The following DNAH2 variants were observed in gnomAD, a reference collection of about 807,000 sequenced individuals.
DNAH2 encodes dynein axonemal heavy chain 2.
Under a neutral mutation model 523.5 loss-of-function variants are expected in DNAH2, and 323 were observed. That is an observed-to-expected ratio of 0.62 (90% CI 0.56 to 0.68). The LOEUF is 0.68. Among genes scored for constraint, DNAH2 ranks in the 30% least tolerant of loss-of-function variants. DNAH2 has a pLI of 0.00. For missense variants in DNAH2, 4,907 were observed against 5,701.5 expected, an observed-to-expected ratio of 0.86 and a Z score of 4.49; for synonymous variants, 2,093 against 2,177.4, an observed-to-expected ratio of 0.96 and a Z score of 1.08.
Position 7,818,091 on chromosome 17 carries a change from G to T in DNAH2, c.10382G>T (p.Arg3461Leu), listed in dbSNP as rs375708908. ...LNPMLNKSVA[R>L]IGGRLLMRIG... The stretch of plus-strand genomic sequence containing the variant: ...CCCATGCTCAACAAATCTGTAGCCC[G>T]AATCGGTCAGGACAAGTCCCCAAGA... Residue 3461 changes from arginine to leucine, a missense_variant, in exon 68 of 86, where the codon CGA becomes CTA. Arg to Leu is a moderately radical substitution (Grantham distance 102). Around this residue, in one of 3 missense-constraint regions of DNAH2, gnomAD observed 1,851 missense variants for 2,139.4 expected, o/e 0.87. Coordinates refer to ENST00000572933, the MANE Select transcript of DNAH2 (RefSeq NM_020877.5). 6.2e-7 allele frequency: 1 copy of T among 1,610,772 alleles called. No individual in the cohort carries two copies. Among genetic ancestry groups the T allele is most frequent in the Non-Finnish European group, 8.5e-7 (1 of 1,180,008 alleles).
intron 24 of DNAH2, among the ~76,000 whole-genome samples, chr17:7,769,311 G>A (rs2076254076): frequency 6.6e-6 from 1 of 152,116 alleles, no homozygotes; most frequent in South Asian, 2.1e-4. Context: ...ACAGGCACCT[G>A]CCACCATGCT....
intron 53 of DNAH2, 61 bp downstream of exon 53, chr17:7,797,890 A>T: frequency 6.5e-7 from 1 of 1,534,468 alleles, no homozygotes; most frequent in Non-Finnish European, 8.7e-7. Context: ...ATGTCTAAGG[A>T]AATAGGGGTC....
At chr17:7,830,995 A>G in intron 79 of DNAH2, 91 bp from the exon 80 acceptor site, 1 of 1,506,840 alleles carries the variant, frequency 6.6e-7, no homozygotes. Flanking sequence ...AGGGAGCTGG[A>G]CAAATTGGAC....
chr17:7,771,432 A>G lies in DNAH2; in HGVS notation c.4465A>G (p.Lys1489Glu). ...NWKAIMDRMNKDNNALRSTHH... is the reference protein window; with the variant it reads ...NWKAIMDRMNEDNNALRSTHH... ...GAAAGCCATCATGGACAGGATGAAC[A>G]AGGACAACAATGCTCTCCGGAGCAC... The change falls in exon 28 of 86, where the codon AAG becomes GAG. Residue 1489 changes from lysine (K) to glutamate (E), a missense_variant. Transcript: ENST00000572933. 3 of 1,614,016 alleles carry G rather than the reference A, an allele frequency of 1.9e-6. No homozygotes were observed. Among genetic ancestry groups the G allele is most frequent in the Non-Finnish European group, 2.5e-6 (3 of 1,179,916 alleles).
intron 2 of DNAH2, 83 bp downstream of exon 2, chr17:7,719,983 G>T: frequency 7.1e-7 from 1 of 1,411,940 alleles, no homozygotes. Context: ...TAGGGCTGGG[G>T]AGCAGGCGCT....
rs1221616837 is a variant in DNAH2, at chr17:7,760,827, C to T, written c.2873C>T (p.Thr958Ile). Residue 958 changes from threonine (T) to isoleucine (I), a missense_variant, in exon 18 of 86, where the codon ACC (threonine) becomes ATC (isoleucine). Around this residue, in one of 3 missense-constraint regions of DNAH2, gnomAD observed 2,806 missense variants for 3,190.8 expected, o/e 0.88. Transcript: ENST00000572933. This position sits in a 1 kb window ranked among gnomAD's most constrained non-coding sequence, Gnocchi z 4.0. Reference sequence around the variant, plus strand: ...AGCCTGCTGCAGAACTACCTCAAGACCTGGGACATGTACCGGGAGATCTGG... The same window carrying T: ...AGCCTGCTGCAGAACTACCTCAAGATCTGGGACATGTACCGGGAGATCTGG... ...NASLLQNYLK[T>I]WDMYREIWEI... The T allele has an allele frequency of 4.3e-6, 7 of 1,614,084 alleles. No individual in the cohort carries two copies. The highest frequency in any genetic ancestry group is 5.1e-6 in the Non-Finnish European group (6 of 1,180,054).
At position 7,739,872 on chromosome 17, in the gene DNAH2, C is replaced by A. The variant is rs201088267; in HGVS notation, c.1310C>A (p.Thr437Lys). 6.2e-7 allele frequency: 1 copy of A among 1,613,992 alleles called. No individual in the cohort carries two copies. The highest frequency in any genetic ancestry group is 1.7e-4 in the Middle Eastern group (1 of 6,058). ...IEDIFHKNLH[T>K]LRAVRGGILD... ...GACATCTTTCATAAAAATCTGCACA[C>A]GCTGCGAGCCGTTCGCGGGGGTATC... The change falls in exon 9 of 86, where the codon ACG (threonine) becomes AAG (lysine). Residue 437 changes from threonine to lysine, a missense_variant. Coordinates refer to ENST00000572933, the MANE Select transcript of DNAH2 (RefSeq NM_020877.5).
intron 28 of DNAH2, among the ~76,000 whole-genome samples, chr17:7,771,917 A>G (rs1284833012): frequency 6.6e-6 from 1 of 151,986 alleles, no homozygotes; most frequent in African/African-American, 2.4e-5. Context: ...GCGTTTCACC[A>G]AGTTGGCCAG....
intron 28 of DNAH2, 58 bp downstream of exon 28, chr17:7,771,526 T>C (rs1458574844): frequency 2.5e-6 from 4 of 1,588,818 alleles, no homozygotes; most frequent in Non-Finnish European, 3.4e-6. Context: ...TGCTTGGTCA[T>C]GGTTGCGTGC....
At chr17:7,744,560 CT>C in intron 12 of DNAH2, among the ~76,000 whole-genome samples, 1 of 152,176 alleles carries the variant, frequency 6.6e-6, no homozygotes, top group East Asian at 1.9e-4. Flanking sequence ...ATGTTGGGAG[CT>C]GCAGGGATGA....
chr17:7,780,946 T>C lies in DNAH2; in HGVS notation c.6004-96T>C. 6.3e-7 allele frequency: 1 copy of C among 1,596,608 alleles called. No homozygotes were observed. The highest frequency in any genetic ancestry group is 1.1e-5 in the South Asian group (1 of 90,014). On this transcript the variant is annotated intron_variant, in intron 38 of 85. Coordinates refer to ENST00000572933, the MANE Select transcript of DNAH2 (RefSeq NM_020877.5). This position sits in a 1 kb window ranked among gnomAD's most constrained non-coding sequence, Gnocchi z 4.4. The stretch of plus-strand genomic sequence containing the variant: ...CTGCTTTGCTAATGGCTAACTGGTG[T>C]ATCCATTGTTCTTGGCACGTGCCCC...
intron 53 of DNAH2, 101 bp downstream of exon 53, chr17:7,797,930 G>C: frequency 6.7e-7 from 1 of 1,487,922 alleles, no homozygotes; most frequent in East Asian, 2.3e-5. Context: ...TCAAGTTCCA[G>C]AAGCTGCCTT....
At position 7,788,267 on chromosome 17, in the gene DNAH2, G is replaced by A. The variant is rs112853748; in HGVS notation, c.6900+23G>A. 2,560 of 1,541,496 alleles carry A rather than the reference G, an allele frequency of 1.7e-3. 40 individuals carry two copies. The African/African-American group carries it at 0.031, about 18-fold the overall frequency. On this transcript the variant is annotated intron_variant, in intron 44 of 85. Coordinates refer to ENST00000572933, the MANE Select transcript of DNAH2 (RefSeq NM_020877.5). ...GGGGTAAGGGGAGGACACAGACCAC[G>A]GGCAGGGGCAGGGGGTGCTCACAGC...
rs1262388170 is a variant in DNAH2, at chr17:7,775,880, CA to C, written c.4822-143del. 2.7e-6 allele frequency: 3 copies of C among 1,123,278 alleles called. No individual in the cohort carries two copies. In the African/African-American group the frequency reaches 4.7e-5, roughly 18 times the overall value. 69.6% of individuals were successfully genotyped at this position (1,123,278 alleles called of 1,614,324 possible). On this transcript the variant is annotated intron_variant, in intron 30 of 85. Coordinates refer to ENST00000572933, the MANE Select transcript of DNAH2 (RefSeq NM_020877.5). ...TCTGCCTCCTAGCCTCCATTTCTCT[CA>C]GGAACGCAAGCCAGCTGTTGGCCAT...
At chr17:7,719,674 C>T (rs970542242) in intron 1 of DNAH2, 47 bp from the exon 2 acceptor site, 3 of 1,610,052 alleles carry the variant, frequency 1.9e-6, no homozygotes, top group Non-Finnish European at 1.7e-6. Context: ...GGGGCTGGTT[C>T]AGGGGTGGTA....
rs1355478669 is a variant in DNAH2, at chr17:7,739,715, T to C, written c.1171-18T>C. The C allele has an allele frequency of 2.5e-6, 4 of 1,609,162 alleles. No individual in the cohort carries two copies. Among genetic ancestry groups the C allele is most frequent in the Non-Finnish European group, 2.5e-6 (3 of 1,179,436 alleles). ...TTTGGAAGGAAAGCAGGAACCCTCA[T>C]GCTGTCTTCTTTTTTAGGTATGTGA... On this transcript the variant is annotated intron_variant, in intron 8 of 85. Coordinates refer to ENST00000572933, the MANE Select transcript of DNAH2 (RefSeq NM_020877.5).
At chr17:7,824,805 TAACCAACAACAACA>T in intron 77 of DNAH2, 78 bp downstream of exon 77, 1 of 1,242,834 alleles carries the variant, frequency 8.0e-7, no homozygotes, top group Non-Finnish European at 1.1e-6. Context: ...AGAGAGGGCT[TAACCAACAACAACA>T]TGATTTGATT....
Position 7,780,423 on chromosome 17 carries a change from GA to G in DNAH2, c.5850+144del. 1 of 1,456,312 alleles carries G rather than the reference GA, an allele frequency of 6.9e-7. No homozygotes were observed. 90.2% of individuals were successfully genotyped at this position (1,456,312 alleles called of 1,614,324 possible). ...CTATTGTCAGTAGGATGTGTGGGGA[GA>G]AAAATTTAGGGGAGGGAGGTGTCTC... On this transcript the variant is annotated intron_variant, in intron 37 of 85. Coordinates refer to ENST00000572933, the MANE Select transcript of DNAH2 (RefSeq NM_020877.5). The surrounding 1 kb of genome is among the most constrained non-coding windows in gnomAD (Gnocchi z 4.4).
intron 77 of DNAH2, among the ~76,000 whole-genome samples, chr17:7,830,067 C>T (rs901222727): frequency 2.7e-5 from 4 of 149,710 alleles, no homozygotes; most frequent in African/African-American, 7.4e-5. Flanking sequence ...GACAAGAAGG[C>T]AGGGCTGCCG....
Sources: gnomAD v4.1 joint callset for allele counts (sites outside exome capture counted in the v4.1 genomes callset) on GRCh38, gnomAD v4.1.1 for gene constraint, gnomAD v4.1.1 regional missense constraint, Gnocchi (gnomAD v3.1) non-coding constraint, MANE v1.5 for transcripts, NCBI Gene and HGNC (gene_info 2026-07-23, HGNC 2026-07-21) for gene names.